The following GOSR1 variants were observed in gnomAD, a reference collection of about 807,000 sequenced individuals.
GOSR1 encodes the protein 28 kDa Golgi SNARE protein.
GOSR1 carries 21 observed loss-of-function variants against 35.5 expected under a neutral mutation model. The observed-to-expected ratio is 0.59, with a 90% CI of 0.42 to 0.85. The LOEUF (loss-of-function observed/expected upper bound fraction) is 0.85, where lower values mean the gene tolerates loss of function less well. GOSR1 is among the 40% of genes least tolerant of loss of function. The pLI is 0.00. For missense variants in GOSR1, 285 were observed against 309.6 expected (o/e 0.92, Z 0.60); for synonymous variants, 94 against 106.6 (o/e 0.88, Z 0.73).
intron 6 of GOSR1, among the ~76,000 whole-genome samples, chr17:30,504,654 G>A (rs1322679618): frequency 6.6e-6 from 1 of 152,156 alleles, no homozygotes; most frequent in African/African-American, 2.4e-5. Context: ...TAAGATGTAT[G>A]TACTCATTAC....
At chr17:30,504,780 G>A (rs74546635) in intron 6 of GOSR1, among the ~76,000 whole-genome samples, 9 of 152,258 alleles carry the variant, frequency 5.9e-5, no homozygotes, top group East Asian at 5.8e-4. Context: ...GTTCCTTAGC[G>A]TCCATTTCAA....
intron 5 of GOSR1, among the ~76,000 whole-genome samples, 200 bp from the exon 6 acceptor site, chr17:30,492,479 A>G (rs1915107909): frequency 6.6e-6 from 1 of 152,244 alleles, no homozygotes; most frequent in Admixed American, 6.5e-5. Context: ...GGCCTAAATT[A>G]GAGATGCAGA....
intron 6 of GOSR1, among the ~76,000 whole-genome samples, chr17:30,493,566 TG>T (rs1447830012): frequency 6.6e-6 from 1 of 152,260 alleles, no homozygotes; most frequent in Non-Finnish European, 1.5e-5. Flanking sequence ...TCAGTGTTTT[TG>T]TATTTCATTT....
chr17:30,515,294 A>ATTTTTTTTTTTTTTTTTTT (rs35911853), intron 7 of GOSR1, among the ~76,000 whole-genome samples: 1 of 139,524 alleles, frequency 7.2e-6, no homozygotes, highest in Non-Finnish European at 1.6e-5. Context: ...TGCCCAGCTA[A>ATTTTTTTTTTTTTTTTTTT]TTTTTTTTTT....
At chr17:30,512,103 T>C (rs953327149) in intron 7 of GOSR1, among the ~76,000 whole-genome samples, 2 of 152,188 alleles carry the variant, frequency 1.3e-5, no homozygotes, top group South Asian at 4.1e-4. Context: ...AATACAAGGT[T>C]TTGGGTCTGA....
intron 4 of GOSR1, among the ~76,000 whole-genome samples, chr17:30,487,324 A>G (rs928920931): frequency 6.6e-6 from 1 of 152,182 alleles, no homozygotes; most frequent in Non-Finnish European, 1.5e-5. Flanking sequence ...AAATGGATCC[A>G]AGAAGGATAG....
intron 2 of GOSR1, among the ~76,000 whole-genome samples, chr17:30,483,405 A>G (rs1458719265): frequency 1.3e-5 from 2 of 152,230 alleles, no homozygotes; most frequent in Non-Finnish European, 2.9e-5. Flanking sequence ...TGCTAGGCAT[A>G]TATCTATGAA....
intron 5 of GOSR1, chr17:30,490,459 A>G: frequency 2.9e-6 from 1 of 342,112 alleles, no homozygotes; most frequent in South Asian, 3.9e-5. Flanking sequence ...TCCTGTCTTA[A>G]TTCAAAGTCC....
chr17:30,485,266 G>A, intron 4 of GOSR1: 1 of 179,054 alleles, frequency 5.6e-6, no homozygotes, highest in Non-Finnish European at 1.2e-5. Context: ...CAAATAGGAA[G>A]GCAATTTTTT....
chr17:30,485,025 T>G, intron 4 of GOSR1: 1 of 476,326 alleles, frequency 2.1e-6, no homozygotes, highest in Non-Finnish European at 3.8e-6. Context: ...ATACTTCCAC[T>G]ATGGGAGACC....
chr17:30,521,276 A>G (rs1968025196), intron 8 of GOSR1, among the ~76,000 whole-genome samples: 1 of 144,378 alleles, frequency 6.9e-6, no homozygotes, highest in African/African-American at 2.6e-5. Flanking sequence ...CCAGCCTCTC[A>G]GGTTCATGCA....
chr17:30,481,393 T>G, intron 2 of GOSR1, 136 bp downstream of exon 2: 1 of 551,072 alleles, frequency 1.8e-6, no homozygotes, highest in South Asian at 2.9e-5. Flanking sequence ...ATTCATTGTT[T>G]TATTTTTTAG....
At chr17:30,494,527 A>C (rs1404541591) in intron 6 of GOSR1, among the ~76,000 whole-genome samples, 1 of 152,048 alleles carries the variant, frequency 6.6e-6, no homozygotes, top group Admixed American at 6.5e-5. Context: ...CTACTCCCTG[A>C]TATTTTTCTT....
At chr17:30,521,397 A>T (rs1372399351) in intron 8 of GOSR1, among the ~76,000 whole-genome samples, 2 of 151,494 alleles carry the variant, frequency 1.3e-5, no homozygotes, top group African/African-American at 4.8e-5. Context: ...TGCCCAGGCG[A>T]GTCTCAAACT....
At chr17:30,492,536 A>G in intron 5 of GOSR1, 143 bp from the exon 6 acceptor site, 2 of 544,140 alleles carry the variant, frequency 3.7e-6, no homozygotes, top group Non-Finnish European at 6.5e-6. Context: ...TTTCAGAGGG[A>G]AATGCAAAGG....
chr17:30,527,192 C>T lies in GOSR1; in HGVS notation c.*4814C>T, dbSNP rs1968196411. The T allele has an allele frequency of 2.6e-5, 4 of 152,104 alleles. No homozygotes were observed. The highest frequency in any genetic ancestry group is 4.1e-4 in the South Asian group (2 of 4,828). The allele number at this position is 152,104 out of a possible 1,614,324, so 9.4% of individuals were successfully genotyped here. Reference sequence around the variant, plus strand: ...GGGCAACACAGCAAAGACCTTGTCTCTACAAAAACTAAAATTAGCCATTCA... The same window carrying T: ...GGGCAACACAGCAAAGACCTTGTCTTTACAAAAACTAAAATTAGCCATTCA... On this transcript the variant is annotated 3_prime_UTR_variant, in exon 9 of 9. Coordinates refer to ENST00000451249, the MANE Select transcript of GOSR1 (RefSeq NM_001007025.2).
chr17:30,510,981 A>G lies in GOSR1; in HGVS notation c.539+72A>G, dbSNP rs184424057. ...ACGTAAATTTAATGAACAGTGTTACAGCTGTTTTAGAATTAAAGAAAAAAC... is the reference window on the plus strand; with the variant it reads ...ACGTAAATTTAATGAACAGTGTTACGGCTGTTTTAGAATTAAAGAAAAAAC... On this transcript the variant is annotated intron_variant, in intron 7 of 8. Transcript: ENST00000451249. The G allele has an allele frequency of 1.7e-4, 147 of 849,968 alleles. 1 individual carries two copies. The highest frequency in any genetic ancestry group is 1.7e-3 in the African/African-American group (100 of 58,502). The allele number at this position is 849,968 out of a possible 1,614,324, so 52.7% of individuals were successfully genotyped here. A position where few individuals can be genotyped will look rare whatever the true frequency, so the allele number is the denominator to read the frequency against.
chr17:30,486,180 G>A (rs945592159), intron 4 of GOSR1, among the ~76,000 whole-genome samples: 3 of 151,324 alleles, frequency 2.0e-5, no homozygotes, highest in South Asian at 2.1e-4. Flanking sequence ...AATGTATAAC[G>A]TTGTTTTTTA....
chr17:30,489,331 T>G (rs1914877372), intron 4 of GOSR1, among the ~76,000 whole-genome samples: 1 of 152,050 alleles, frequency 6.6e-6, no homozygotes, highest in African/African-American at 2.4e-5. Flanking sequence ...TGCAGTGAGC[T>G]GAGATGGCAC....
Sources: allele counts gnomAD v4.1 joint callset (sites outside exome capture counted in the v4.1 genomes callset), GRCh38; gene constraint gnomAD v4.1.1; transcripts MANE v1.5; gene names NCBI Gene and HGNC (gene_info 2026-07-23, HGNC 2026-07-21).